COLEC12: variants seen among roughly 807,000 people sequenced by gnomAD.
COLEC12 encodes the protein collectin subfamily member 12.
In COLEC12, 33 loss-of-function variants were observed where a neutral mutation model predicts 71.1. The ratio of observed to expected loss-of-function variants is 0.46; its 90% CI spans 0.35 to 0.62. COLEC12 has a LOEUF of 0.62. COLEC12 is among the 20% of genes least tolerant of loss of function. The pLI is 0.00. For missense variants in COLEC12, 765 were observed against 916.1 expected (o/e 0.84, Z 2.13); for synonymous variants, 350 against 353.0 (o/e 0.99, Z 0.10).
rs1188076451 is a variant in COLEC12 at position 408,676 on chromosome 18, T to A, written c.59-51154A>T. Among the ~76,000 whole-genome samples, 1 of 152,024 alleles carries A rather than the reference T, an allele frequency of 6.6e-6. No homozygotes were observed. The highest frequency in any genetic ancestry group is 1.5e-5 in the Non-Finnish European group (1 of 68,008). ...AAAGATTTAAGGTTATTTCTTTAAG[T>A]CAAATTTCAGACAGAGGAAGTAGGT... On this transcript the variant is annotated intron_variant, in intron 2 of 9. Coordinates refer to ENST00000400256, the MANE Select transcript of COLEC12 (RefSeq NM_130386.3). The surrounding 1 kb of genome is among the most constrained non-coding windows in gnomAD (Gnocchi z 4.3).
chr18:332,095 T>C (rs977772061), intron 7 of COLEC12, among the ~76,000 whole-genome samples: 1 of 152,208 alleles, frequency 6.6e-6, no homozygotes, highest in Non-Finnish European at 1.5e-5. Context: ...CATGTCCTAA[T>C]CATAGGAATA....
chr18:423,147 T>G (rs1916130997), intron 2 of COLEC12, among the ~76,000 whole-genome samples: 1 of 152,156 alleles, frequency 6.6e-6, no homozygotes, highest in Non-Finnish European at 1.5e-5. Flanking sequence ...TTGATGCCTG[T>G]AATCCTAGCT....
At chr18:440,229 A>T (rs1271920803) in intron 2 of COLEC12, among the ~76,000 whole-genome samples, 1 of 152,160 alleles carries the variant, frequency 6.6e-6, no homozygotes, top group Non-Finnish European at 1.5e-5. Context: ...TGCTGGTTAA[A>T]GGGGTACAAA....
chr18:470,799 A>G (rs1917181277), intron 2 of COLEC12, among the ~76,000 whole-genome samples: 1 of 152,192 alleles, frequency 6.6e-6, no homozygotes, highest in African/African-American at 2.4e-5. Context: ...CAAGGGGAAC[A>G]ATATAGTTAT....
At chr18:334,607 A>G (rs901054873) in intron 6 of COLEC12, 135 bp downstream of exon 6, 1 of 705,704 alleles carries the variant, frequency 1.4e-6, no homozygotes, top group South Asian at 4.6e-5. Context: ...CAGCCTGGGC[A>G]ACAGAGTGAG....
intron 2 of COLEC12, among the ~76,000 whole-genome samples, chr18:392,541 T>C (rs990843512): frequency 1.3e-5 from 2 of 152,244 alleles, no homozygotes; most frequent in African/African-American, 4.8e-5. Context: ...ACACTCTCTT[T>C]TAGCCCCCAT....
chr18:418,384 T>C (rs1281662454), intron 2 of COLEC12, among the ~76,000 whole-genome samples: 1 of 152,184 alleles, frequency 6.6e-6, no homozygotes, highest in Non-Finnish European at 1.5e-5. Flanking sequence ...TATTAAGGAA[T>C]TCAAGGAAAC....
At chr18:418,165 T>C (rs895332459) in intron 2 of COLEC12, among the ~76,000 whole-genome samples, 2 of 152,188 alleles carry the variant, frequency 1.3e-5, no homozygotes, top group African/African-American at 2.4e-5. Flanking sequence ...TATTTGAAAA[T>C]AGTGTTATTA....
At chr18:437,441 AT>A (rs553995504) in intron 2 of COLEC12, among the ~76,000 whole-genome samples, 57 of 150,036 alleles carry the variant, frequency 3.8e-4, no homozygotes, top group Middle Eastern at 3.5e-3. Flanking sequence ...CTTAAAATGG[AT>A]TTTTTTTTTC....
At chr18:494,002 G>A (rs1203701869) in intron 1 of COLEC12, among the ~76,000 whole-genome samples, 1 of 151,916 alleles carries the variant, frequency 6.6e-6, no homozygotes, top group Admixed American at 6.6e-5. Flanking sequence ...AAAAAACAGT[G>A]CTCCTAGGTA....
chr18:472,701 AAAG>A (rs1008052668), intron 2 of COLEC12, among the ~76,000 whole-genome samples: 11 of 144,256 alleles, frequency 7.6e-5, no homozygotes, highest in East Asian at 4.6e-4. Flanking sequence ...AAAAAAAAAA[AAAG>A]AAGAAGAAGA....
intron 2 of COLEC12, among the ~76,000 whole-genome samples, chr18:455,967 C>T (rs868534210): frequency 2.8e-4 from 43 of 152,314 alleles, no homozygotes; most frequent in Middle Eastern, 3.4e-3. Flanking sequence ...CTCAGCACAG[C>T]ACACTTTAAC....
At chr18:394,473 T>A (rs2143597972) in intron 2 of COLEC12, among the ~76,000 whole-genome samples, 1 of 152,380 alleles carries the variant, frequency 6.6e-6, no homozygotes, top group East Asian at 1.9e-4. Context: ...TAATACCACA[T>A]GAAAATGGCA....
intron 8 of COLEC12, among the ~76,000 whole-genome samples, chr18:326,184 T>C (rs1319498527): frequency 5.3e-5 from 8 of 152,246 alleles, no homozygotes; most frequent in African/African-American, 1.9e-4. Flanking sequence ...GTTTTCATCT[T>C]CTTTGAAACA....
chr18:442,591 G>C (rs953284039), intron 2 of COLEC12, among the ~76,000 whole-genome samples: 9 of 152,178 alleles, frequency 5.9e-5, no homozygotes, highest in Non-Finnish European at 1.0e-4. Context: ...TTCCAGCCCA[G>C]GGTGACCCCT....
At chr18:490,120 T>G (rs1361140917) in intron 1 of COLEC12, among the ~76,000 whole-genome samples, 2 of 152,344 alleles carry the variant, frequency 1.3e-5, no homozygotes, top group African/African-American at 4.8e-5. Context: ...AGCTTCTGAC[T>G]ACACTCTTGG....
chr18:457,249 T>C (rs1043383375), intron 2 of COLEC12, among the ~76,000 whole-genome samples: 1 of 152,146 alleles, frequency 6.6e-6, no homozygotes, highest in Non-Finnish European at 1.5e-5. Flanking sequence ...CGGAGCCCCC[T>C]AAGCCAACAG....
At chr18:371,554 G>C (rs950945345) in intron 2 of COLEC12, among the ~76,000 whole-genome samples, 2 of 152,170 alleles carry the variant, frequency 1.3e-5, no homozygotes, top group Admixed American at 1.3e-4. Context: ...CACAGGCCTA[G>C]GGTAGGATGG....
chr18:432,883 G>A (rs1300599632), intron 2 of COLEC12, among the ~76,000 whole-genome samples: 2 of 152,172 alleles, frequency 1.3e-5, no homozygotes, highest in African/African-American at 4.8e-5. Context: ...CAGTTAACAT[G>A]CATTAAACTG....
Sources: allele counts gnomAD v4.1 joint callset (sites outside exome capture counted in the v4.1 genomes callset), GRCh38; gene constraint gnomAD v4.1.1; non-coding constraint Gnocchi (gnomAD v3.1); transcripts MANE v1.5; gene names NCBI Gene and HGNC (gene_info 2026-07-23, HGNC 2026-07-21).